The following PLLP variants were observed in gnomAD, a reference collection of about 807,000 sequenced individuals.
PLLP encodes the protein plasma membrane proteolipid (plasmolipin).
PLLP carries 15 observed loss-of-function variants against 19.7 expected under a neutral mutation model. The ratio of observed to expected loss-of-function variants is 0.76; its 90% CI spans 0.51 to 1.17. The LOEUF is 1.17. PLLP is among the 50% of genes most tolerant of loss of function. The pLI is 0.00. For missense variants in PLLP, 255 were observed against 258.3 expected (o/e 0.99, Z 0.09); for synonymous variants, 111 against 116.3 (o/e 0.95, Z 0.29).
In PLLP at chr16:57,262,032, G is replaced by A. The variant is rs757054144; in HGVS notation, c.174C>T (p.Thr58=). The A allele has an allele frequency of 6.2e-7, 1 of 1,614,176 alleles. No individual in the cohort carries two copies. Among genetic ancestry groups the A allele is most frequent in the Non-Finnish European group, 8.5e-7 (1 of 1,180,018 alleles). ...CATAGGCCGGATACAGGTGGTACGG[G>A]GTGTCCGCAATCAGCGCCCACACCA... ...GLLVWALIAD[T]PYHLYPAYGW... The change falls in exon 2 of 4, where the codon ACC becomes ACT. Residue 58 remains threonine, a synonymous_variant. Transcript: ENST00000219207.
intron 1 of PLLP, chr16:57,263,333 AAC>A (rs2075447580): frequency 6.6e-6 from 1 of 152,244 alleles, no homozygotes; most frequent in Non-Finnish European, 1.5e-5. Flanking sequence ...GGTAGTGGCT[AAC>A]AGCATGAACT....
chr16:57,283,747 T>C (rs145355957), intron 1 of PLLP, among the ~76,000 whole-genome samples: 2 of 152,206 alleles, frequency 1.3e-5, no homozygotes, highest in Non-Finnish European at 2.9e-5. Flanking sequence ...GATATCTCGG[T>C]CCCGTGGGGC....
intron 1 of PLLP, among the ~76,000 whole-genome samples, chr16:57,283,603 G>A (rs1224438813): frequency 1.3e-5 from 2 of 152,232 alleles, no homozygotes; most frequent in Admixed American, 6.5e-5. Flanking sequence ...AGAGGAAGAA[G>A]CTAACATCCG....
intron 1 of PLLP, among the ~76,000 whole-genome samples, chr16:57,270,235 T>C (rs1477733901): frequency 2.3e-5 from 1 of 44,296 alleles, no homozygotes; most frequent in African/African-American, 1.0e-4. Flanking sequence ...TACTGGCCCC[T>C]GAGTCATTCC....
At chr16:57,264,409 C>T (rs921715930) in intron 1 of PLLP, among the ~76,000 whole-genome samples, 3 of 152,224 alleles carry the variant, frequency 2.0e-5, no homozygotes, top group Non-Finnish European at 4.4e-5. Flanking sequence ...GGGTTTTGTT[C>T]ACTGCTGTAT....
intron 1 of PLLP, among the ~76,000 whole-genome samples, chr16:57,267,105 C>T (rs977805783): frequency 9.9e-5 from 15 of 152,168 alleles, no homozygotes; most frequent in Admixed American, 2.0e-4. Flanking sequence ...ATTACAGTTT[C>T]CCCAGAAGCT....
At chr16:57,273,224 C>T (rs1029325881) in intron 1 of PLLP, among the ~76,000 whole-genome samples, 6 of 151,732 alleles carry the variant, frequency 4.0e-5, no homozygotes, top group Non-Finnish European at 7.4e-5. Flanking sequence ...CATGCCACTG[C>T]ACTCCAGCCT....
At chr16:57,263,964 C>A (rs895875286) in intron 1 of PLLP, among the ~76,000 whole-genome samples, 1 of 152,146 alleles carries the variant, frequency 6.6e-6, no homozygotes, top group Admixed American at 6.5e-5. Flanking sequence ...ATCAGAGAAG[C>A]GGCTCCGGAG....
intron 1 of PLLP, among the ~76,000 whole-genome samples, chr16:57,280,489 CTTT>C (rs572329872): frequency 6.6e-6 from 1 of 150,900 alleles, no homozygotes; most frequent in African/African-American, 2.4e-5. Context: ...GCACTGATGC[CTTT>C]TTTTTTTAAA....
At chr16:57,273,588 AG>A (rs1901107726) in intron 1 of PLLP, among the ~76,000 whole-genome samples, 1 of 152,232 alleles carries the variant, frequency 6.6e-6, no homozygotes. Flanking sequence ...TGGGCTGCCA[AG>A]AAAGACAGCA....
rs774416244 is a variant in PLLP at position 57,257,021 on chromosome 16, C to T, written c.441G>A (p.Ala147=). The T allele has an allele frequency of 2.6e-5, 42 of 1,611,740 alleles. No homozygotes were observed. The highest frequency in any genetic ancestry group is 1.3e-4 in the South Asian group (12 of 91,040). The stretch of plus-strand genomic sequence containing the variant: ...CTCCATAGGCGATCATCACCAAACA[C>T]GCAAAGAACTGAAAGAGAGGTGAGA... ...YNQRAAASFF[A]CLVMIAYGVS... The change falls in exon 4 of 4, where the codon GCG becomes GCA. Residue 147 remains alanine, a synonymous_variant. Transcript: ENST00000219207.
chr16:57,266,193 C>T (rs945067066), intron 1 of PLLP, among the ~76,000 whole-genome samples: 2 of 152,150 alleles, frequency 1.3e-5, no homozygotes, highest in African/African-American at 2.4e-5. Flanking sequence ...CACTGCCCGC[C>T]GCCATCCCTG....
intron 1 of PLLP, among the ~76,000 whole-genome samples, chr16:57,266,300 G>A (rs1567530382): frequency 6.6e-6 from 1 of 152,152 alleles, no homozygotes; most frequent in Non-Finnish European, 1.5e-5. Context: ...GGAATTTCTG[G>A]CGTTCTTTCT....
intron 1 of PLLP, among the ~76,000 whole-genome samples, chr16:57,265,946 A>T (rs78238999): frequency 0.045 from 6,885 of 152,216 alleles, 427 homozygotes; most frequent in South Asian, 0.26. Flanking sequence ...GGATCAATGG[A>T]GCCTGGGAAG....
At chr16:57,280,285 C>T (rs1400573294) in intron 1 of PLLP, among the ~76,000 whole-genome samples, 5 of 152,296 alleles carry the variant, frequency 3.3e-5, no homozygotes, top group East Asian at 3.9e-4. Flanking sequence ...CTCACCCTCT[C>T]GGAGCCTATT....
chr16:57,275,893 A>C (rs1292873756), intron 1 of PLLP, among the ~76,000 whole-genome samples: 1 of 152,224 alleles, frequency 6.6e-6, no homozygotes, highest in African/African-American at 2.4e-5. Context: ...AGGCAGGAGT[A>C]CTGCTTGAGC....
chr16:57,272,400 A>G (rs2075478682), intron 1 of PLLP, among the ~76,000 whole-genome samples: 2 of 152,270 alleles, frequency 1.3e-5, no homozygotes, highest in South Asian at 2.1e-4. Context: ...CTGGGATAAC[A>G]AGAAGCTTAT....
intron 1 of PLLP, among the ~76,000 whole-genome samples, chr16:57,262,800 C>A (rs898516919): frequency 7.2e-5 from 11 of 152,186 alleles, no homozygotes; most frequent in African/African-American, 2.7e-4. Context: ...GTACCGGGGC[C>A]CTGCCCTGCA....
chr16:57,262,018 T>A lies in PLLP; in HGVS notation c.188A>T (p.Tyr63Phe). The change falls in exon 2 of 4, where the codon TAT becomes TTT. Residue 63 changes from tyrosine to phenylalanine, a missense_variant. Transcript: ENST00000219207. ...ALIADTPYHL[Y>F]PAYGWVMFVA... is the part of the protein sequence containing the mutation. ...GAACATCACCCAGCCATAGGCCGGA[T>A]ACAGGTGGTACGGGGTGTCCGCAAT... is the stretch of plus-strand genomic sequence containing the variant. The A allele has an allele frequency of 6.2e-7, 1 of 1,614,180 alleles. No individual in the cohort carries two copies. Among genetic ancestry groups the A allele is most frequent in the Non-Finnish European group, 8.5e-7 (1 of 1,180,028 alleles).
Sources: gnomAD v4.1 joint callset for allele counts (sites outside exome capture counted in the v4.1 genomes callset) on GRCh38, gnomAD v4.1.1 for gene constraint, MANE v1.5 for transcripts, NCBI Gene and HGNC (gene_info 2026-07-23, HGNC 2026-07-21) for gene names.